The following FAM234A variants were observed in gnomAD, a reference collection of about 807,000 sequenced individuals.
FAM234A encodes the protein protein FAM234A.
In FAM234A, 42 loss-of-function variants were observed where a neutral mutation model predicts 49.1. The observed-to-expected ratio is 0.86, with a 90% CI of 0.67 to 1.11. FAM234A has a LOEUF of 1.11. Among genes scored for constraint, FAM234A ranks in the 50% least tolerant of loss-of-function variants. FAM234A has a pLI of 0.00. For missense variants in FAM234A, 815 were observed against 745.2 expected (o/e 1.09, Z -1.09); for synonymous variants, 369 against 316.2 (o/e 1.17, Z -1.77).
chr16:244,005 G>C (rs1218225336), intron 1 of FAM234A, among the ~76,000 whole-genome samples: 1 of 149,732 alleles, frequency 6.7e-6, no homozygotes, highest in East Asian at 2.0e-4. Flanking sequence ...GTCTTGCTCT[G>C]TCACCCAGGC....
downstream of FAM234A, chr16:269,339 G>A (rs1304632737): frequency 1.2e-6 from 2 of 1,603,408 alleles, no homozygotes; most frequent in Non-Finnish European, 1.7e-6. Context: ...AAGGAGTGCA[G>A]GGCTGGGGCT....
intron 9 of FAM234A, 121 bp downstream of exon 9, chr16:263,523 C>A: frequency 7.0e-7 from 1 of 1,422,084 alleles, no homozygotes; most frequent in East Asian, 2.4e-5. Flanking sequence ...TGCTGCTGCC[C>A]GGGCTTCTTG....
At chr16:244,554 A>G (rs546184871) in intron 1 of FAM234A, among the ~76,000 whole-genome samples, 1 of 152,138 alleles carries the variant, frequency 6.6e-6, no homozygotes, top group South Asian at 2.1e-4. Flanking sequence ...CCCCCTTACT[A>G]ACGGTTTTCT....
At chr16:268,122 G>T (rs930514359), downstream of FAM234A, among the ~76,000 whole-genome samples, 1 of 123,494 alleles carries the variant, frequency 8.1e-6, no homozygotes, top group South Asian at 2.7e-4. Context: ...TCATACACAC[G>T]ACACGTGCAC....
At chr16:266,847 A>T (rs58164875), downstream of FAM234A, among the ~76,000 whole-genome samples, 8,070 of 151,980 alleles carry the variant, frequency 0.053, 414 homozygotes, top group South Asian at 0.17. Context: ...CTGGAGGGAG[A>T]AGGGAAGGTT....
chr16:253,969 A>G (rs1246407087), intron 2 of FAM234A: 1 of 189,300 alleles, frequency 5.3e-6, no homozygotes, highest in Non-Finnish European at 1.1e-5. Context: ...CAGGGAGTCC[A>G]TGTGTGCGCA....
chr16:239,492 G>A (rs966571727), intron 1 of FAM234A, among the ~76,000 whole-genome samples: 5 of 150,268 alleles, frequency 3.3e-5, no homozygotes, highest in Admixed American at 2.0e-4. Context: ...GCGGGCACCT[G>A]TAGTCCCAGC....
At chr16:238,728 T>TACACTCGA (rs1336443404) in intron 1 of FAM234A, among the ~76,000 whole-genome samples, 1 of 123,128 alleles carries the variant, frequency 8.1e-6, no homozygotes, top group Non-Finnish European at 1.6e-5. Context: ...ATCGTGCCAC[T>TACACTCGA]GCACTCCAGC....
Position 265,824 on chromosome 16 carries a change from A to G in FAM234A, c.*802A>G, listed in dbSNP as rs1295147130. 1 of 985,618 alleles carries G rather than the reference A, an allele frequency of 1.0e-6. No individual in the cohort carries two copies. Among genetic ancestry groups the G allele is most frequent in the African/African-American group, 1.7e-5 (1 of 57,322 alleles). The allele number at this position is 985,618 out of a possible 1,614,324, so 61.1% of individuals were successfully genotyped here. The stretch of plus-strand genomic sequence containing the variant: ...GGGTCAGTCTGTGCCCTCTCAGTAG[A>G]CACTGGAGCTGCTCTGTCCCTGAAG... On this transcript the variant is annotated 3_prime_UTR_variant, in exon 13 of 13. Coordinates refer to ENST00000399932, the MANE Select transcript of FAM234A (RefSeq NM_032039.4).
At chr16:245,021 A>G (rs777948363) in intron 1 of FAM234A, among the ~76,000 whole-genome samples, 1 of 151,818 alleles carries the variant, frequency 6.6e-6, no homozygotes, top group East Asian at 1.9e-4. Flanking sequence ...TCCCACGACT[A>G]TTGTACTGCA....
chr16:269,665 A>G (rs1297234693), downstream of FAM234A: 4 of 1,111,888 alleles, frequency 3.6e-6, no homozygotes, highest in East Asian at 2.4e-5. Context: ...GCAGCCAAAC[A>G]TTGCTGGAGC....
At position 265,090 on chromosome 16, in the gene FAM234A, C is replaced by T. The variant is rs925016978; in HGVS notation, c.*68C>T. On this transcript the variant is annotated 3_prime_UTR_variant, in exon 13 of 13. Transcript: ENST00000399932. ...CACTAAACGTCCTGGGAAGTGGGCCCTTCCCTGGGTCTCTGCACTGACTCC... is the reference window on the plus strand; with the variant it reads ...CACTAAACGTCCTGGGAAGTGGGCCTTTCCCTGGGTCTCTGCACTGACTCC... 7 of 1,526,076 alleles carry T rather than the reference C, an allele frequency of 4.6e-6. No individual in the cohort carries two copies. Among genetic ancestry groups the T allele is most frequent in the Non-Finnish European group, 6.2e-6 (7 of 1,137,934 alleles). The allele number at this position is 1,526,076 out of a possible 1,614,324, so 94.5% of individuals were successfully genotyped here. A position where few individuals can be genotyped will look rare whatever the true frequency, so the allele number is the denominator to read the frequency against.
chr16:269,622 C>G (rs372126561), downstream of FAM234A: 28 of 1,479,100 alleles, frequency 1.9e-5, no homozygotes, highest in Non-Finnish European at 2.5e-5. Flanking sequence ...ACCCTTCTGC[C>G]TCCTCACCTC....
rs2050925972 is a variant in FAM234A, at chr16:249,592, C to G, written c.-96C>G. On this transcript the variant is annotated 5_prime_UTR_variant, in exon 2 of 13. Transcript: ENST00000399932. ...AGGCACAGATTCCCCGTCCACAGCT[C>G]ACGACCAGATGCACCAGCAGGAGTC... 1 of 152,078 alleles carries G rather than the reference C, an allele frequency of 6.6e-6. No individual in the cohort carries two copies. Among genetic ancestry groups the G allele is most frequent in the African/African-American group, 2.4e-5 (1 of 41,294 alleles). The allele number at this position is 152,078 out of a possible 1,614,324, so 9.4% of individuals were successfully genotyped here. A position where few individuals can be genotyped will look rare whatever the true frequency, so the allele number is the denominator to read the frequency against.
At chr16:241,773 C>T (rs1278063950) in intron 1 of FAM234A, among the ~76,000 whole-genome samples, 1 of 150,926 alleles carries the variant, frequency 6.6e-6, no homozygotes, top group Admixed American at 6.6e-5. Context: ...AAAAATTAGC[C>T]GGGCTTGGTG....
At chr16:250,597 T>G (rs1289695334) in intron 2 of FAM234A, among the ~76,000 whole-genome samples, 1 of 152,204 alleles carries the variant, frequency 6.6e-6, no homozygotes, top group Non-Finnish European at 1.5e-5. Flanking sequence ...CTTATTGTGG[T>G]AAAATGTACA....
At chr16:250,133 G>A (rs546934662) in intron 2 of FAM234A, among the ~76,000 whole-genome samples, 20 of 152,230 alleles carry the variant, frequency 1.3e-4, no homozygotes, top group Middle Eastern at 6.8e-3. Flanking sequence ...GGGTTTCACC[G>A]TGTTAGCCAG....
At chr16:266,177 T>C (rs900857682), downstream of FAM234A, 1 of 874,342 alleles carries the variant, frequency 1.1e-6, no homozygotes, top group Non-Finnish European at 1.4e-6. Context: ...GATTTGTTCC[T>C]GGAGGAGTGA....
At chr16:237,323 T>C (rs773507391) in intron 1 of FAM234A, among the ~76,000 whole-genome samples, 1 of 152,136 alleles carries the variant, frequency 6.6e-6, no homozygotes, top group Non-Finnish European at 1.5e-5. Context: ...ATCCAACAGT[T>C]TCTGTGGGTC....
Sources: gnomAD v4.1 joint callset for allele counts (sites outside exome capture counted in the v4.1 genomes callset) on GRCh38, gnomAD v4.1.1 for gene constraint, MANE v1.5 for transcripts, NCBI Gene and HGNC (gene_info 2026-07-23, HGNC 2026-07-21) for gene names.